NUFIP1: variants seen among roughly 807,000 people sequenced by gnomAD.
NUFIP1 encodes FMR1-interacting protein NUFIP1.
NUFIP1 carries 38 observed loss-of-function variants against 56.2 expected under a neutral mutation model. The observed-to-expected ratio is 0.68, with a 90% CI of 0.52 to 0.89. The LOEUF (loss-of-function observed/expected upper bound fraction) is 0.89. Ranked by LOEUF, NUFIP1 falls within the 40% of genes least tolerant of loss-of-function variation. The pLI is 0.00. For missense variants in NUFIP1, 567 were observed against 605.8 expected, an observed-to-expected ratio of 0.94 and a Z score of 0.67; for synonymous variants, 215 against 212.4, an observed-to-expected ratio of 1.01 and a Z score of -0.10.
At chr13:44,941,410 T>A in intron 9 of NUFIP1, 88 bp from the exon 10 acceptor site, 2 of 703,760 alleles carry the variant, frequency 2.8e-6, no homozygotes, top group Middle Eastern at 2.5e-4. Context: ...CCTCACCATA[T>A]AAAGAAGACA....
At chr13:44,981,017 G>A (rs1187850360) in intron 2 of NUFIP1, among the ~76,000 whole-genome samples, 197 bp from the exon 3 acceptor site, 1 of 152,052 alleles carries the variant, frequency 6.6e-6, no homozygotes, top group Non-Finnish European at 1.5e-5. Flanking sequence ...AAATATATTA[G>A]TGAAACCCAG....
rs1485148817 is a variant in NUFIP1 at position 44,980,751 on chromosome 13, A to G, written c.565T>C (p.Tyr189His). The G allele has an allele frequency of 6.2e-7, 1 of 1,602,926 alleles. No individual in the cohort carries two copies. Among genetic ancestry groups the G allele is most frequent in the African/African-American group, 1.3e-5 (1 of 74,300 alleles). The change falls in exon 3 of 10, where the codon TAT becomes CAT. Residue 189 changes from tyrosine (Y) to histidine (H), a missense_variant. By Grantham distance (83) the Tyr-to-His change is moderately conservative. Coordinates refer to ENST00000379161, the MANE Select transcript of NUFIP1 (RefSeq NM_012345.3). ...CDRGFKNQEK[Y>H]DKHMSEHTKC... ...GTATGTTCAGACATGTGTTTGTCAT[A>G]CTTTTCTTGATTTTTAAAACCACGA... is the stretch of plus-strand genomic sequence containing the variant.
Position 44,980,807 on chromosome 13 carries a change from G to C in NUFIP1, c.509C>G (p.Pro170Arg), listed in dbSNP as rs137965553. 4 of 1,596,272 alleles carry C rather than the reference G, an allele frequency of 2.5e-6. No individual in the cohort carries two copies. In the Admixed American group the frequency reaches 7.3e-5, roughly 29 times the overall value. Reference protein sequence around the residue: ...RKQKKKKRKEPVFHFFCDTCD... With the variant: ...RKQKKKKRKERVFHFFCDTCD... ...GGTATCACAAAAAAAGTGAAAAACT[G>C]GTTCCTTTCTTTTCTGCAAACAAAA... Residue 170 changes from proline (P) to arginine (R), a missense_variant, in exon 3 of 10, where the codon CCA (proline) becomes CGA (arginine). By Grantham distance (103) the Pro-to-Arg change is moderately radical. Coordinates refer to ENST00000379161, the MANE Select transcript of NUFIP1 (RefSeq NM_012345.3).
intron 6 of NUFIP1, 41 bp downstream of exon 6, chr13:44,965,803 T>G (rs770943062): frequency 8.3e-7 from 1 of 1,202,406 alleles, no homozygotes; most frequent in South Asian, 1.5e-5. Context: ...AAGATTTTGT[T>G]TTGTGCTCCT....
intron 6 of NUFIP1, among the ~76,000 whole-genome samples, chr13:44,964,825 A>C (rs1379061433): frequency 6.6e-6 from 1 of 152,208 alleles, no homozygotes. Flanking sequence ...GGGGTAAGAT[A>C]CCCAGTAAGA....
Position 44,949,716 on chromosome 13 carries a change from A to G in NUFIP1, c.1138+6T>C, listed in dbSNP as rs1440009387. On this transcript the variant is annotated splice_donor_region_variant and intron_variant, in intron 8 of 9. Coordinates refer to ENST00000379161, the MANE Select transcript of NUFIP1 (RefSeq NM_012345.3). ...AAACCCTGTAACAACACACACCATG[A>G]CTTACCTTCTGGCTCACTCTCTGAC... 6.4e-7 allele frequency: 1 copy of G among 1,566,002 alleles called. No individual in the cohort carries two copies. The highest frequency in any genetic ancestry group is 1.4e-5 in the African/African-American group (1 of 73,452).
intron 9 of NUFIP1, among the ~76,000 whole-genome samples, chr13:44,943,063 C>T (rs1870797412): frequency 6.6e-6 from 1 of 151,934 alleles, no homozygotes; most frequent in African/African-American, 2.4e-5. Context: ...TTAGGCCTTT[C>T]CTTTTTGTTA....
Position 44,945,619 on chromosome 13 carries a change from A to G in NUFIP1, c.1139-1945T>C, listed in dbSNP as rs549394044. ...CAATGTATTAAAAGGGTAATAGACC[A>G]TGACCAAGTAGATTTTATCCTGGGA... On this transcript the variant is annotated intron_variant, in intron 8 of 9. Coordinates refer to ENST00000379161, the MANE Select transcript of NUFIP1 (RefSeq NM_012345.3). Among the ~76,000 whole-genome samples, 5 of 152,220 alleles carry G rather than the reference A, an allele frequency of 3.3e-5. 1 individual carries two copies. In the South Asian group the frequency reaches 6.2e-4, roughly 19 times the overall value.
At chr13:44,985,621 G>T (rs1280519384) in intron 1 of NUFIP1, among the ~76,000 whole-genome samples, 1 of 152,184 alleles carries the variant, frequency 6.6e-6, no homozygotes, top group Non-Finnish European at 1.5e-5. Flanking sequence ...TCTGTGATCA[G>T]TGATCTTTGA....
intron 1 of NUFIP1, among the ~76,000 whole-genome samples, chr13:44,984,086 C>T (rs1288693241): frequency 1.3e-5 from 2 of 152,192 alleles, no homozygotes; most frequent in Non-Finnish European, 2.9e-5. Context: ...ACATACTCTG[C>T]TTCAGTCACA....
At position 44,989,139 on chromosome 13, in the gene NUFIP1, C is replaced by G. The variant is rs371224171; in HGVS notation, c.298G>C (p.Asp100His). The G allele has an allele frequency of 1.9e-6, 3 of 1,613,846 alleles. No individual in the cohort carries two copies. The highest frequency in any genetic ancestry group is 2.7e-5 in the African/African-American group (2 of 74,916). Residue 100 changes from aspartate (D) to histidine (H), a missense_variant, in exon 1 of 10, where the codon GAT becomes CAT. Coordinates refer to ENST00000379161, the MANE Select transcript of NUFIP1 (RefSeq NM_012345.3). ...TGGCCGCTGGGTTGAGGCTGAGAAT[C>G]AAGGGGAGACTGGGCGTCGAAGGGG... ...QPPFDAQSPL[D>H]SQPQPSGQPW...
At chr13:44,973,006 C>T (rs1871857123) in intron 5 of NUFIP1, among the ~76,000 whole-genome samples, 1 of 152,216 alleles carries the variant, frequency 6.6e-6, no homozygotes, top group African/African-American at 2.4e-5. Context: ...TCAAAGGTTG[C>T]TGAGATTTCT....
chr13:44,949,957 A>G (rs1871035661), intron 7 of NUFIP1, 119 bp from the exon 8 acceptor site: 2 of 723,054 alleles, frequency 2.8e-6, no homozygotes. Flanking sequence ...TAATCTTTCC[A>G]AAAGACTAAT....
chr13:44,965,448 C>T (rs1274426563), intron 6 of NUFIP1, among the ~76,000 whole-genome samples: 3 of 152,228 alleles, frequency 2.0e-5, no homozygotes, highest in Non-Finnish European at 4.4e-5. Context: ...GTAATCCCAT[C>T]ACTTTGGGAG....
chr13:44,943,722 A>G (rs1233022155), intron 8 of NUFIP1, 48 bp from the exon 9 acceptor site: 6 of 1,444,872 alleles, frequency 4.2e-6, no homozygotes, highest in African/African-American at 2.8e-5. Flanking sequence ...ACAAAACAAA[A>G]CAGGTAGACC....
At chr13:44,942,285 A>C (rs1870767980) in intron 9 of NUFIP1, among the ~76,000 whole-genome samples, 1 of 152,236 alleles carries the variant, frequency 6.6e-6, no homozygotes, top group South Asian at 2.1e-4. Context: ...ATTTAGAACA[A>C]GCACATAATC....
chr13:44,962,460 G>C (rs992270765), intron 6 of NUFIP1, among the ~76,000 whole-genome samples: 1 of 152,128 alleles, frequency 6.6e-6, no homozygotes, highest in African/African-American at 2.4e-5. Flanking sequence ...CTTAGTTGCT[G>C]TTCTAGATCC....
intron 9 of NUFIP1, among the ~76,000 whole-genome samples, chr13:44,942,344 T>C: frequency 6.6e-6 from 1 of 152,216 alleles, no homozygotes; most frequent in East Asian, 1.9e-4. Context: ...TATTTTCTGG[T>C]GTTATTGATA....
At chr13:44,956,304 T>C (rs1203809553) in intron 7 of NUFIP1, among the ~76,000 whole-genome samples, 1 of 152,094 alleles carries the variant, frequency 6.6e-6, no homozygotes, top group African/African-American at 2.4e-5. Flanking sequence ...TCTGTAGCTA[T>C]ACCTGCAGTG....
Sources: gnomAD v4.1 joint callset for allele counts (sites outside exome capture counted in the v4.1 genomes callset) on GRCh38, gnomAD v4.1.1 for gene constraint, MANE v1.5 for transcripts, NCBI Gene and HGNC (gene_info 2026-07-23, HGNC 2026-07-21) for gene names.